PTPRT: variants seen among roughly 807,000 people sequenced by gnomAD.
PTPRT encodes receptor-type tyrosine-protein phosphatase T.
A neutral mutation model predicts 176.8 loss-of-function variants in PTPRT; 56 were observed. The ratio of observed to expected loss-of-function variants is 0.32; its 90% confidence interval spans 0.26 to 0.40. PTPRT has a LOEUF of 0.40. Ranked by LOEUF, PTPRT falls within the 10% of genes least tolerant of loss-of-function variation. The probability of loss-of-function intolerance (pLI) is 1.00; values close to 1 mark genes in which losing one functional copy is unlikely to be tolerated. For synonymous variants in PTPRT, 783 were observed against 739.0 expected (o/e 1.06, Z -0.96); for missense variants, 1,540 against 1,908.2 (o/e 0.81, Z 3.60).
At chr20:42,629,502 C>A (rs2074363923) in intron 7 of PTPRT, among the ~76,000 whole-genome samples, 1 of 152,150 alleles carries the variant, frequency 6.6e-6, no homozygotes, top group East Asian at 1.9e-4. Flanking sequence ...ACAATGGGAT[C>A]TGGTGGCAAA....
intron 6 of PTPRT, among the ~76,000 whole-genome samples, chr20:42,684,570 T>C (rs1413990697): frequency 6.6e-6 from 1 of 151,966 alleles, no homozygotes; most frequent in African/African-American, 2.4e-5. Flanking sequence ...AGAGAAGACA[T>C]CAAACAACTG....
At chr20:42,054,415 G>T in the PTPRT span, among the ~76,000 whole-genome samples, 1 of 152,174 alleles carries the variant, frequency 6.6e-6, no homozygotes, top group African/African-American at 2.4e-5. Flanking sequence ...TCATAAAAAG[G>T]AATTGCTAAG....
At chr20:42,210,172 C>G (rs1600680708) in intron 15 of PTPRT, among the ~76,000 whole-genome samples, 1 of 152,312 alleles carries the variant, frequency 6.6e-6, no homozygotes, top group Middle Eastern at 3.4e-3. Flanking sequence ...CTATCTATGA[C>G]AAACCCACAG....
At chr20:43,187,315 T>C (rs1568833944) in intron 1 of PTPRT, among the ~76,000 whole-genome samples, 1 of 152,182 alleles carries the variant, frequency 6.6e-6, no homozygotes, top group Non-Finnish European at 1.5e-5. Flanking sequence ...AAGTTTTAAA[T>C]AAAATACTTT....
intron 7 of PTPRT, among the ~76,000 whole-genome samples, chr20:42,555,268 T>G (rs567722806): frequency 6.6e-6 from 1 of 152,300 alleles, no homozygotes; most frequent in African/African-American, 2.4e-5. Flanking sequence ...ATTGTTTAAT[T>G]AATCAACTCA....
At chr20:43,132,321 A>G (rs182944764) in intron 1 of PTPRT, among the ~76,000 whole-genome samples, 53 of 152,346 alleles carry the variant, frequency 3.5e-4, no homozygotes, top group Middle Eastern at 3.4e-3. Flanking sequence ...TAAGAAATCA[A>G]TTGCTTTTTA....
chr20:42,364,372 A>AC (rs1186321468), intron 9 of PTPRT, among the ~76,000 whole-genome samples: 1 of 152,202 alleles, frequency 6.6e-6, no homozygotes, highest in African/African-American at 2.4e-5. Context: ...AAGGAACGAA[A>AC]GGGAGGGCAT....
At chr20:42,483,142 A>T (rs1005056456) in intron 7 of PTPRT, among the ~76,000 whole-genome samples, 1 of 152,076 alleles carries the variant, frequency 6.6e-6, no homozygotes, top group Non-Finnish European at 1.5e-5. Context: ...TTCCCTCTCT[A>T]TTCCCACTTC....
chr20:42,032,722 C>T, the PTPRT span, among the ~76,000 whole-genome samples: 2 of 152,104 alleles, frequency 1.3e-5, no homozygotes, highest in Non-Finnish European at 2.9e-5. Context: ...AAAGGCAATG[C>T]CTTCTCTCTA....
intron 17 of PTPRT, among the ~76,000 whole-genome samples, chr20:42,143,445 T>C (rs1001946436): frequency 9.2e-5 from 14 of 151,518 alleles, no homozygotes; most frequent in African/African-American, 3.2e-4. Context: ...TAGTCCTAGC[T>C]ACTTGGGAGG....
chr20:42,357,624 T>A (rs2058375339), intron 9 of PTPRT, among the ~76,000 whole-genome samples: 1 of 152,208 alleles, frequency 6.6e-6, no homozygotes, highest in African/African-American at 2.4e-5. Context: ...CTTTGGCTTC[T>A]GTATCAAGGC....
chr20:42,560,060 A>G (rs1292298235), intron 7 of PTPRT, among the ~76,000 whole-genome samples: 3 of 152,178 alleles, frequency 2.0e-5, no homozygotes, highest in Admixed American at 2.0e-4. Context: ...GCACAGATGA[A>G]AAAAGAACAA....
chr20:42,507,452 G>A (rs1378613810), intron 7 of PTPRT, among the ~76,000 whole-genome samples: 4 of 152,002 alleles, frequency 2.6e-5, no homozygotes, highest in African/African-American at 4.8e-5. Context: ...AAAGCCCATC[G>A]TGTGCTCAGG....
chr20:42,395,074 T>C (rs1456858575), intron 9 of PTPRT, among the ~76,000 whole-genome samples: 4 of 152,210 alleles, frequency 2.6e-5, no homozygotes, highest in Non-Finnish European at 5.9e-5. Context: ...TTGTAACTCC[T>C]GTCTGCTAAC....
intron 16 of PTPRT, among the ~76,000 whole-genome samples, chr20:42,176,952 T>C (rs988919518): frequency 6.6e-6 from 1 of 152,226 alleles, no homozygotes; most frequent in Non-Finnish European, 1.5e-5. Flanking sequence ...TTTGTGGATA[T>C]TATGAACTAC....
chr20:42,440,729 G>A (rs992504570), intron 9 of PTPRT, among the ~76,000 whole-genome samples: 2 of 152,188 alleles, frequency 1.3e-5, no homozygotes, highest in South Asian at 4.2e-4. Flanking sequence ...CGCCCGCCTT[G>A]GCCTCCCAAA....
chr20:42,694,587 A>G (rs2075844335), intron 6 of PTPRT, among the ~76,000 whole-genome samples: 1 of 152,182 alleles, frequency 6.6e-6, no homozygotes, highest in South Asian at 2.1e-4. Flanking sequence ...TCTCTGGGTC[A>G]TATGGAATTC....
intron 9 of PTPRT, among the ~76,000 whole-genome samples, chr20:42,409,626 G>A (rs945419183): frequency 6.6e-6 from 1 of 151,634 alleles, no homozygotes; most frequent in Non-Finnish European, 1.5e-5. Flanking sequence ...GAAATAAATT[G>A]TGTCTCTATT....
intron 7 of PTPRT, among the ~76,000 whole-genome samples, chr20:42,620,379 T>G (rs909085729): frequency 2.7e-5 from 4 of 149,480 alleles, no homozygotes; most frequent in Non-Finnish European, 5.9e-5. Context: ...CTGTAGAGGT[T>G]ACTGCTGTCT....
Sources: gnomAD v4.1 joint callset for allele counts (sites outside exome capture counted in the v4.1 genomes callset) on GRCh38, gnomAD v4.1.1 for gene constraint, MANE v1.5 for transcripts, NCBI Gene and HGNC (gene_info 2026-07-23, HGNC 2026-07-21) for gene names.